Variants in TNRC18 observed in about 807,000 individuals in gnomAD.
TNRC18 encodes the protein trinucleotide repeat containing 18, also known as trinucleotide repeat-containing gene 18 protein.
In TNRC18, 69 loss-of-function variants were observed where a neutral mutation model predicts 226.7. The ratio of observed to expected loss-of-function variants is 0.30; its 90% CI spans 0.25 to 0.37. The LOEUF (loss-of-function observed/expected upper bound fraction) is 0.37. Among genes scored for constraint, TNRC18 ranks in the 10% least tolerant of loss-of-function variants. The pLI, the probability that TNRC18 is intolerant of heterozygous loss-of-function variation, is 1.00. For missense variants in TNRC18, 4,754 were observed against 4,256.6 expected, an observed-to-expected ratio of 1.12 and a Z score of -3.25; for synonymous variants, 2,449 against 1,927.6, an observed-to-expected ratio of 1.27 and a Z score of -7.09.
At chr7:5,406,338 T>A (rs573138058) in intron 2 of TNRC18, among the ~76,000 whole-genome samples, 1 of 152,012 alleles carries the variant, frequency 6.6e-6, no homozygotes, top group Admixed American at 6.6e-5. Context: ...TGGCGGCACC[T>A]GTAATCTCAG....
chr7:5,312,595 G>A lies in TNRC18; in HGVS notation c.8296C>T (p.Arg2766Trp). The A allele has an allele frequency of 3.1e-6, 5 of 1,610,864 alleles. No individual in the cohort carries two copies. The highest frequency in any genetic ancestry group is 4.2e-6 in the Non-Finnish European group (5 of 1,179,350). Residue 2766 changes from arginine (R) to tryptophan (W), a missense_variant, in exon 27 of 30, where the codon CGG becomes TGG. By Grantham distance (101) the Arg-to-Trp change is moderately radical (BLOSUM62 -3). Transcript: ENST00000430969. The surrounding 1 kb of genome is among the most constrained non-coding windows in gnomAD (Gnocchi z 6.3). ...TTCTCCACGGACGGCAGGCGCTGCC[G>A]CTTGGCCAGCTCCTTGGTGGTGGGG... is the stretch of plus-strand genomic sequence containing the variant. The part of the protein sequence containing the change: ...HLPTTKELAK[R>W]QRLPSVENRP...
chr7:5,387,547 A>G (rs1292254075), intron 5 of TNRC18, 125 bp downstream of exon 5: 3 of 1,372,264 alleles, frequency 2.2e-6, no homozygotes, highest in Non-Finnish European at 3.0e-6. Flanking sequence ...ATTCAAGACC[A>G]TTTTAAAAAA....
At chr7:5,352,386 T>C (rs1436370158) in intron 16 of TNRC18, among the ~76,000 whole-genome samples, 1 of 152,148 alleles carries the variant, frequency 6.6e-6, no homozygotes, top group South Asian at 2.1e-4. Flanking sequence ...CACTCCAGGC[T>C]TTCCGGGCAC....
intron 11 of TNRC18, among the ~76,000 whole-genome samples, chr7:5,369,544 A>G (rs1793954842): frequency 6.6e-6 from 1 of 152,134 alleles, no homozygotes; most frequent in African/African-American, 2.4e-5. Flanking sequence ...GAATGAGGCC[A>G]ACAGAGAGAA....
chr7:5,381,999 AAAAAT>A (rs1779429673), intron 5 of TNRC18, among the ~76,000 whole-genome samples: 1 of 152,204 alleles, frequency 6.6e-6, no homozygotes, highest in South Asian at 2.1e-4. Flanking sequence ...AATAAAAATA[AAAAAT>A]AAAATAAAGT....
intron 3 of TNRC18, among the ~76,000 whole-genome samples, chr7:5,392,340 G>C (rs1294008130): frequency 2.0e-5 from 3 of 152,168 alleles, no homozygotes; most frequent in Admixed American, 1.3e-4. Context: ...GCAGGCGCCT[G>C]TAGTCCCAGC....
intron 27 of TNRC18, among the ~76,000 whole-genome samples, chr7:5,311,150 G>C (rs1787158982): frequency 2.0e-5 from 3 of 152,258 alleles, no homozygotes; most frequent in African/African-American, 2.4e-5. Flanking sequence ...ACTTGCTTTT[G>C]TGTGTGGCTG....
chr7:5,344,106 A>G (rs1320506447), intron 18 of TNRC18, among the ~76,000 whole-genome samples: 1 of 152,198 alleles, frequency 6.6e-6, no homozygotes, highest in Non-Finnish European at 1.5e-5. Context: ...TTTGGACCAT[A>G]TGCCAATACC....
rs1364885416 is a variant in TNRC18, at chr7:5,313,375, G to T, written c.7516C>A (p.Pro2506Thr). 33 of 1,585,072 alleles carry T rather than the reference G, an allele frequency of 2.1e-5. No homozygotes were observed. The highest frequency in any genetic ancestry group is 2.7e-5 in the Non-Finnish European group (32 of 1,167,278). ...TTGGGCTCGCTGCTGCCGGCCGCGG[G>T]GGGATAGCTGCCCAGGCTCAGGAGG... ...KSLLSLGSYP[P>T]AAGSSEPKAP... The change falls in exon 27 of 30, where the codon CCC (proline) becomes ACC (threonine). Residue 2506 changes from proline to threonine, a missense_variant. By Grantham distance (38) the Pro-to-Thr change is conservative (BLOSUM62 -1). Coordinates refer to ENST00000430969, the MANE Select transcript of TNRC18 (RefSeq NM_001080495.3).
At position 5,345,517 on chromosome 7, in the gene TNRC18, G is replaced by GCACCCCCC; in HGVS notation, c.5719+44_5719+45insGGGGGGTG. 4.8e-5 allele frequency: 18 copies of GCACCCCCC among 377,744 alleles called. 2 individuals carry two copies. The highest frequency in any genetic ancestry group is 3.5e-4 in the South Asian group (8 of 22,822). The allele number at this position is 377,744 out of a possible 1,614,324, so 23.4% of individuals were successfully genotyped here. A position where few individuals can be genotyped will look rare whatever the true frequency, so the allele number is the denominator to read the frequency against. On this transcript the variant is annotated intron_variant, in intron 18 of 29. Coordinates refer to ENST00000430969, the MANE Select transcript of TNRC18 (RefSeq NM_001080495.3). ...CCTGTGGGATGGGGCAATGGCGTCC[G>GCACCCCCC]CCCCTCCCACCCACCCCCACCGCAG...
chr7:5,382,845 G>A (rs1369810844), intron 5 of TNRC18, among the ~76,000 whole-genome samples: 1 of 152,154 alleles, frequency 6.6e-6, no homozygotes, highest in Non-Finnish European at 1.5e-5. Context: ...CCTCACAGGA[G>A]ACCTCATGGA....
chr7:5,358,287 G>T (rs578121353), intron 15 of TNRC18, among the ~76,000 whole-genome samples: 1 of 152,264 alleles, frequency 6.6e-6, no homozygotes, highest in South Asian at 2.1e-4. Context: ...TTGTTGAAGC[G>T]AAACACGCAG....
rs1782563244 is a variant in TNRC18, at chr7:5,421,189, G to C, written c.58C>G (p.Leu20Val). The change falls in exon 2 of 30, where the codon CTG becomes GTG. Residue 20 changes from leucine (L) to valine (V), a missense_variant. Leu to Val is a conservative substitution (Grantham distance 32). Transcript: ENST00000430969. ...RSVHGPPPPL[L>V]SGLAMDSHRV... ...TGGCTGTCCATGGCCAGGCCGGACA[G>C]CAGCGGCGGCGGGGGACCGTGCACG... 7.2e-7 allele frequency: 1 copy of C among 1,382,540 alleles called. No homozygotes were observed. Among genetic ancestry groups the C allele is most frequent in the East Asian group, 2.9e-5 (1 of 34,676 alleles). 85.6% of individuals were successfully genotyped at this position (1,382,540 alleles called of 1,614,324 possible).
chr7:5,366,203 C>G (rs1308721172), intron 11 of TNRC18, among the ~76,000 whole-genome samples: 1 of 151,676 alleles, frequency 6.6e-6, no homozygotes, highest in Non-Finnish European at 1.5e-5. Flanking sequence ...CCTTTACCCA[C>G]TAGATGGCAG....
chr7:5,370,118 C>G (rs971438606), intron 11 of TNRC18, among the ~76,000 whole-genome samples: 2 of 151,952 alleles, frequency 1.3e-5, no homozygotes, highest in Non-Finnish European at 2.9e-5. Flanking sequence ...GAGTTTGAGA[C>G]CAGACTGGGC....
At position 5,309,104 on chromosome 7, in the gene TNRC18, G is replaced by C. The variant is rs755330583; in HGVS notation, c.8625+28C>G. 2.3e-5 allele frequency: 36 copies of C among 1,570,692 alleles called. No individual in the cohort carries two copies. In the Admixed American group the frequency reaches 6.6e-4, roughly 29 times the overall value. The stretch of plus-strand genomic sequence containing the variant: ...GGTCTGCCCTACACCGCCTAGGACT[G>C]GGGGCCGCAGCCGGGCCGCAGGCTC... On this transcript the variant is annotated intron_variant, in intron 28 of 29. Coordinates refer to ENST00000430969, the MANE Select transcript of TNRC18 (RefSeq NM_001080495.3). This position sits in a 1 kb window ranked among gnomAD's most constrained non-coding sequence, Gnocchi z 5.7.
chr7:5,408,482 T>C (rs915865119), intron 2 of TNRC18, among the ~76,000 whole-genome samples: 1 of 151,514 alleles, frequency 6.6e-6, no homozygotes, highest in East Asian at 1.9e-4. Context: ...ACCCTGTCTC[T>C]ACTAAAAATA....
Position 5,389,291 on chromosome 7 carries a change from G to C in TNRC18, c.533C>G (p.Ser178Cys). The change falls in exon 5 of 30, where the codon TCT becomes TGT. Residue 178 changes from serine to cysteine, a missense_variant. By Grantham distance (112) the Ser-to-Cys change is moderately radical (BLOSUM62 -1). Coordinates refer to ENST00000430969, the MANE Select transcript of TNRC18 (RefSeq NM_001080495.3). Reference sequence around the variant, plus strand: ...AGGGGTCCGGGCCGAGGGCGCGTGAGAGTGCAGGGAGCCCGGAGCCCCCGC... The same window carrying C: ...AGGGGTCCGGGCCGAGGGCGCGTGACAGTGCAGGGAGCCCGGAGCCCCCGC... Reference protein sequence around the residue: ...PTAGAPGSLHSHAPSARTPGG... With the variant: ...PTAGAPGSLHCHAPSARTPGG... The C allele has an allele frequency of 1.6e-6, 2 of 1,286,406 alleles. No homozygotes were observed. The highest frequency in any genetic ancestry group is 1.5e-5 in the African/African-American group (1 of 65,180). 79.7% of individuals were successfully genotyped at this position (1,286,406 alleles called of 1,614,324 possible). A position where few individuals can be genotyped will look rare whatever the true frequency, so the allele number is the denominator to read the frequency against.
intron 5 of TNRC18, 23 bp from the exon 6 acceptor site, chr7:5,378,047 G>C (rs781011775): frequency 6.3e-7 from 1 of 1,594,724 alleles, no homozygotes. Flanking sequence ...AGGTGGAAGT[G>C]AGCCCCCAGC....
Sources: allele counts gnomAD v4.1 joint callset (sites outside exome capture counted in the v4.1 genomes callset), GRCh38; gene constraint gnomAD v4.1.1; non-coding constraint Gnocchi (gnomAD v3.1); transcripts MANE v1.5; gene names NCBI Gene and HGNC (gene_info 2026-07-23, HGNC 2026-07-21).